The following PHKB variants were observed in gnomAD, a reference collection of about 807,000 sequenced individuals.
PHKB encodes phosphorylase b kinase regulatory subunit beta.
A neutral mutation model predicts 152.1 loss-of-function variants in PHKB; 122 were observed. The observed-to-expected ratio is 0.80, with a 90% CI of 0.69 to 0.93. The LOEUF (loss-of-function observed/expected upper bound fraction) is 0.93, where lower values mean the gene tolerates loss of function less well. Ranked by LOEUF, PHKB falls within the 40% of genes least tolerant of loss-of-function variation. PHKB has a pLI of 0.00. For missense variants in PHKB, 1,304 were observed against 1,328.4 expected, an observed-to-expected ratio of 0.98 and a Z score of 0.29; for synonymous variants, 436 against 464.9, an observed-to-expected ratio of 0.94 and a Z score of 0.80.
intron 26 of PHKB, among the ~76,000 whole-genome samples, chr16:47,673,053 TA>T (rs1567350621): frequency 6.6e-6 from 1 of 152,138 alleles, no homozygotes; most frequent in Non-Finnish European, 1.5e-5. Context: ...ACTTATGATG[TA>T]CATTTCACTC....
Position 47,585,413 on chromosome 16 carries a change from A to G in PHKB, c.775-2255A>G, listed in dbSNP as rs557465993. On this transcript the variant is annotated intron_variant, in intron 8 of 30. Coordinates refer to ENST00000323584, the MANE Select transcript of PHKB (RefSeq NM_000293.3). ...GCAAAGTGTTCAAAGCAGTGCAGACATCTAGCTTCCTTTGAAATTTGCAGG... is the reference window on the plus strand; with the variant it reads ...GCAAAGTGTTCAAAGCAGTGCAGACGTCTAGCTTCCTTTGAAATTTGCAGG... Among the ~76,000 whole-genome samples, 31 of 152,338 alleles carry G rather than the reference A, an allele frequency of 2.0e-4. No homozygotes were observed. The South Asian group carries it at 5.6e-3, about 27-fold the overall frequency.
Position 47,669,355 on chromosome 16 carries a change from T to C in PHKB, c.2568T>C (p.His856=). 1 of 1,614,192 alleles carries C rather than the reference T, an allele frequency of 6.2e-7. No individual in the cohort carries two copies. Among genetic ancestry groups the C allele is most frequent in the Non-Finnish European group, 8.5e-7 (1 of 1,180,012 alleles). Residue 856 remains histidine, a synonymous_variant, in exon 26 of 31, where the codon CAT becomes CAC. Transcript: ENST00000323584. Reference sequence around the variant, plus strand: ...TCATTCAGCAAGAACTGGTCATCCATATTGGCTGGATCATCTCCAATAACC... The same window carrying C: ...TCATTCAGCAAGAACTGGTCATCCACATTGGCTGGATCATCTCCAATAACC... ...EAVIQQELVI[H]IGWIISNNPE... is the part of the protein sequence containing the mutation.
chr16:47,607,974 A>G (rs887481688), intron 13 of PHKB, among the ~76,000 whole-genome samples: 7 of 151,464 alleles, frequency 4.6e-5, no homozygotes, highest in African/African-American at 1.7e-4. Context: ...GGTAATTTGT[A>G]TATCTCCTTT....
chr16:47,639,510 G>T (rs1418942319), intron 14 of PHKB, among the ~76,000 whole-genome samples: 1 of 152,104 alleles, frequency 6.6e-6, no homozygotes, highest in African/African-American at 2.4e-5. Context: ...TATTTGAAAT[G>T]CTTAGTTTTT....
intron 13 of PHKB, among the ~76,000 whole-genome samples, chr16:47,606,754 A>G (rs1207746008): frequency 6.6e-6 from 1 of 152,132 alleles, no homozygotes; most frequent in Non-Finnish European, 1.5e-5. Context: ...GTTCTCTTCC[A>G]GGCCCATGGA....
At chr16:47,499,999 T>G in intron 3 of PHKB, 105 bp downstream of exon 3, 1 of 1,294,018 alleles carries the variant, frequency 7.7e-7, no homozygotes, top group South Asian at 1.2e-5. Context: ...GCTGACTCAC[T>G]GTGCGACCTA....
chr16:47,600,837 T>G (rs187473748), intron 13 of PHKB, among the ~76,000 whole-genome samples: 109 of 152,378 alleles, frequency 7.2e-4, no homozygotes, highest in Non-Finnish European at 4.9e-4. Context: ...CACATGATTG[T>G]ATTTATTGCA....
intron 14 of PHKB, among the ~76,000 whole-genome samples, chr16:47,618,288 T>A (rs1339998501): frequency 6.6e-6 from 1 of 152,226 alleles, no homozygotes; most frequent in Non-Finnish European, 1.5e-5. Flanking sequence ...GGCTTAGTCT[T>A]TTTTGTTTAT....
Position 47,589,080 on chromosome 16 carries a change from A to G in PHKB, c.1046A>G (p.Tyr349Cys). Residue 349 changes from tyrosine (Y) to cysteine (C), a missense_variant, in exon 10 of 31, where the codon TAC becomes TGC. By Grantham distance (194) the Tyr-to-Cys change is radical (BLOSUM62 -2). Transcript: ENST00000323584. ...TCATTGGAAGATCCCAACAGATGCT[A>G]CTACAAGCCAGCTGAAATTAAGGTA... ...RTSLEDPNRC[Y>C]YKPAEIKLFD... is the part of the protein sequence containing the mutation. The G allele has an allele frequency of 6.2e-7, 1 of 1,612,198 alleles. No homozygotes were observed. The highest frequency in any genetic ancestry group is 8.5e-7 in the Non-Finnish European group (1 of 1,178,376).
chr16:47,571,623 A>C (rs1208112747), intron 7 of PHKB, among the ~76,000 whole-genome samples: 2 of 152,184 alleles, frequency 1.3e-5, no homozygotes, highest in Non-Finnish European at 2.9e-5. Context: ...AAGGCGATGC[A>C]GTCACCCCAA....
chr16:47,573,095 C>T (rs1971690357), intron 7 of PHKB, among the ~76,000 whole-genome samples: 1 of 152,122 alleles, frequency 6.6e-6, no homozygotes, highest in East Asian at 1.9e-4. Flanking sequence ...TTGTAAACAG[C>T]CCCCAATACC....
At chr16:47,598,263 T>C (rs1972158100) in intron 13 of PHKB, among the ~76,000 whole-genome samples, 1 of 152,198 alleles carries the variant, frequency 6.6e-6, no homozygotes, top group Non-Finnish European at 1.5e-5. Flanking sequence ...TAAATTTGTT[T>C]AGACTATAAT....
At position 47,622,463 on chromosome 16, in the gene PHKB, C is replaced by G. The variant is rs1008940686; in HGVS notation, c.1458+11543C>G. Among the ~76,000 whole-genome samples the G allele has an allele frequency of 2.8e-4, 42 of 152,162 alleles. 1 individual carries two copies. In the Middle Eastern group the frequency reaches 0.01, roughly 37 times the overall value. ...TCTCTCATGAGGTCCTTGGAGAGTT[C>G]CATGTATTTTTGCTGTCATGCAGGT... On this transcript the variant is annotated intron_variant, in intron 14 of 30. Coordinates refer to ENST00000323584, the MANE Select transcript of PHKB (RefSeq NM_000293.3).
chr16:47,488,637 G>C (rs79613636), intron 1 of PHKB, among the ~76,000 whole-genome samples: 2 of 152,150 alleles, frequency 1.3e-5, no homozygotes, highest in Non-Finnish European at 2.9e-5. Flanking sequence ...TAAAAGAAAG[G>C]GATCCAGTTT....
chr16:47,480,286 A>G (rs1451537231), intron 1 of PHKB, among the ~76,000 whole-genome samples: 4 of 152,188 alleles, frequency 2.6e-5, no homozygotes, highest in Non-Finnish European at 4.4e-5. Flanking sequence ...CCACATGTGT[A>G]TCTTTGAGAA....
chr16:47,556,000 A>T (rs1971362331), intron 7 of PHKB, among the ~76,000 whole-genome samples: 1 of 152,112 alleles, frequency 6.6e-6, no homozygotes, highest in Non-Finnish European at 1.5e-5. Context: ...TGTCCCTTGT[A>T]AGTTGGATTC....
chr16:47,690,201 T>G (rs898445113), intron 27 of PHKB, among the ~76,000 whole-genome samples: 1 of 152,184 alleles, frequency 6.6e-6, no homozygotes. Flanking sequence ...ATGAGACAAC[T>G]GGATAGCCAT....
intron 1 of PHKB, among the ~76,000 whole-genome samples, chr16:47,482,215 C>T (rs75546191): frequency 0.014 from 2,074 of 152,278 alleles, 19 homozygotes; most frequent in Non-Finnish European, 0.022. Context: ...AGGGGTTGTA[C>T]GTAAGTATAG....
Position 47,698,519 on chromosome 16 carries a change from C to T in PHKB, c.3075C>T (p.Asp1025=). 1 of 1,608,064 alleles carries T rather than the reference C, an allele frequency of 6.2e-7. No individual in the cohort carries two copies. Residue 1025 remains aspartate, a synonymous_variant, in exon 30 of 31, where the codon GAC becomes GAT. Coordinates refer to ENST00000323584, the MANE Select transcript of PHKB (RefSeq NM_000293.3). ...AATTTCAAGACAAAGTAGATCTAGA[C>T]AGACTGGTCAAAGAAGCATTTAATG... ...ELEFQDKVDL[D]RLVKEAFNEF...
Sources: allele counts gnomAD v4.1 joint callset (sites outside exome capture counted in the v4.1 genomes callset), GRCh38; gene constraint gnomAD v4.1.1; transcripts MANE v1.5; gene names NCBI Gene and HGNC (gene_info 2026-07-23, HGNC 2026-07-21).